Variants in PSD3 observed in about 807,000 individuals in gnomAD.
PSD3 encodes the protein pleckstrin and Sec7 domain containing 3, also known as PH and SEC7 domain-containing protein 3.
In PSD3, 49 loss-of-function variants were observed where a neutral mutation model predicts 105.5. The observed-to-expected ratio is 0.46, with a 90% CI of 0.37 to 0.59. The LOEUF (loss-of-function observed/expected upper bound fraction) is 0.59, where lower values mean the gene tolerates loss of function less well. Ranked by LOEUF, PSD3 falls within the 20% of genes least tolerant of loss-of-function variation. PSD3 has a pLI of 0.00. For synonymous variants in PSD3, 557 were observed against 457.8 expected (o/e 1.22, Z -2.77); for missense variants, 1,561 against 1,263.8 (o/e 1.24, Z -3.57).
At position 18,850,874 on chromosome 8, in the gene PSD3, T is replaced by C. The variant is rs17127322; in HGVS notation, c.1634+16800A>G. 0.01 allele frequency among the ~76,000 whole-genome samples: 1,589 copies of C among 151,962 alleles called. 70 individuals carry two copies. The East Asian group carries it at 0.15, about 15-fold the overall frequency. ...GACCAGCTGAATCAACAAAAGGGAGTGGCTTCCTTAAGAACATGCTGGGCA... is the reference window on the plus strand; with the variant it reads ...GACCAGCTGAATCAACAAAAGGGAGCGGCTTCCTTAAGAACATGCTGGGCA... On this transcript the variant is annotated intron_variant, in intron 4 of 15. Transcript: ENST00000327040.
chr8:18,740,613 T>C (rs1384746234), intron 9 of PSD3, among the ~76,000 whole-genome samples: 1 of 152,204 alleles, frequency 6.6e-6, no homozygotes, highest in Non-Finnish European at 1.5e-5. Flanking sequence ...GATTTAGGAA[T>C]ATCAGACTAT....
chr8:18,948,624 C>T (rs561025124), intron 1 of PSD3, among the ~76,000 whole-genome samples: 1 of 152,110 alleles, frequency 6.6e-6, no homozygotes, highest in Admixed American at 6.6e-5. Flanking sequence ...ACTAGGAAAC[C>T]TCAAAAAAGC....
intron 8 of PSD3, 83 bp downstream of exon 8, chr8:18,799,212 G>A (rs537846458): frequency 1.6e-6 from 2 of 1,217,572 alleles, no homozygotes; most frequent in East Asian, 2.3e-5. Flanking sequence ...GAAACGGGGA[G>A]GCAGAAAATA....
Position 19,069,359 on chromosome 8 carries a change from T to C in PSD3, c.324+14847A>G, listed in dbSNP as rs534947339. ...AAATAACTTCAGAACAAAACACCAT[T>C]CTTCCAATGGGGGAAGGGAAAGGAA... On this transcript the variant is annotated intron_variant, in intron 1 of 1. Coordinates refer to the PSD3 transcript ENST00000521475. Among the ~76,000 whole-genome samples, 3 of 152,136 alleles carry C rather than the reference T, an allele frequency of 2.0e-5. No individual in the cohort carries two copies. In the South Asian group the frequency reaches 6.2e-4, roughly 32 times the overall value.
chr8:18,712,359 A>C lies in PSD3; in HGVS notation c.2172+53090T>G, dbSNP rs374630943. 1.1e-3 allele frequency among the ~76,000 whole-genome samples: 174 copies of C among 152,214 alleles called. 1 individual carries two copies. The highest frequency in any genetic ancestry group is 4.0e-3 in the African/African-American group (166 of 41,540). On this transcript the variant is annotated intron_variant, in intron 9 of 15. Transcript: ENST00000327040. ...AATCCCAGAGCTGGTTTTTTGAAAA[A>C]ATTAATAGATGAACCACTAGCTAGA...
At chr8:18,699,753 G>A (rs1010131688) in intron 9 of PSD3, among the ~76,000 whole-genome samples, 6 of 151,974 alleles carry the variant, frequency 3.9e-5, no homozygotes, top group Admixed American at 3.3e-4. Flanking sequence ...TAGAATGGTG[G>A]GTGGTCACAC....
intron 14 of PSD3, among the ~76,000 whole-genome samples, chr8:18,563,679 T>C (rs1801543654): frequency 6.6e-6 from 1 of 152,204 alleles, no homozygotes; most frequent in Non-Finnish European, 1.5e-5. Context: ...TATTGGGTAC[T>C]TAATATATAT....
At chr8:18,923,793 T>C (rs1337137410) in intron 2 of PSD3, among the ~76,000 whole-genome samples, 1 of 151,714 alleles carries the variant, frequency 6.6e-6, no homozygotes, top group Admixed American at 6.5e-5. Context: ...TTCACAGTGT[T>C]AGATGTGATG....
At chr8:18,952,231 T>C (rs1157219612) in intron 1 of PSD3, among the ~76,000 whole-genome samples, 2 of 152,178 alleles carry the variant, frequency 1.3e-5, no homozygotes, top group Admixed American at 1.3e-4. Flanking sequence ...CCACGGTCAA[T>C]GATCTCCAGA....
chr8:18,925,389 G>GTATATATATATA (rs34212482), intron 2 of PSD3, among the ~76,000 whole-genome samples: 2 of 147,688 alleles, frequency 1.4e-5, no homozygotes, highest in African/African-American at 2.5e-5. Context: ...ATCTCTAAAA[G>GTATATATATATA]TATATATATA....
At chr8:18,778,602 G>A (rs1487634601) in intron 8 of PSD3, among the ~76,000 whole-genome samples, 3 of 151,844 alleles carry the variant, frequency 2.0e-5, no homozygotes, top group Non-Finnish European at 4.4e-5. Context: ...CATACATGGC[G>A]TTTACTATGA....
chr8:18,591,835 G>A (rs1242555851), intron 12 of PSD3, among the ~76,000 whole-genome samples: 1 of 152,142 alleles, frequency 6.6e-6, no homozygotes, highest in African/African-American at 2.4e-5. Context: ...TCTAAAATCA[G>A]ATAACTTGCA....
intron 8 of PSD3, among the ~76,000 whole-genome samples, chr8:18,780,612 G>T (rs1183765326): frequency 1.3e-5 from 2 of 152,002 alleles, no homozygotes; most frequent in Non-Finnish European, 1.5e-5. Flanking sequence ...AGTGTGCAGT[G>T]GTGCGACCTT....
chr8:18,938,922 C>A (rs1383941331), intron 1 of PSD3, among the ~76,000 whole-genome samples: 3 of 152,154 alleles, frequency 2.0e-5, no homozygotes, highest in Admixed American at 1.3e-4. Flanking sequence ...CTGGCTTGAA[C>A]AACCAGGTGC....
intron 1 of PSD3, among the ~76,000 whole-genome samples, chr8:18,956,627 T>C (rs1224956761): frequency 6.6e-6 from 1 of 152,204 alleles, no homozygotes; most frequent in Non-Finnish European, 1.5e-5. Flanking sequence ...AACCGAGTCT[T>C]GCTTAGAGGA....
At chr8:18,554,804 A>G (rs1800970008) in intron 15 of PSD3, among the ~76,000 whole-genome samples, 1 of 152,172 alleles carries the variant, frequency 6.6e-6, no homozygotes, top group African/African-American at 2.4e-5. Context: ...CCCAGCTAGT[A>G]TATCTGGATC....
Position 18,795,320 on chromosome 8 carries a change from G to T in PSD3, c.2082+3975C>A, listed in dbSNP as rs1462853686. Among the ~76,000 whole-genome samples the T allele has an allele frequency of 2.0e-5, 3 of 152,150 alleles. No individual in the cohort carries two copies. The East Asian group carries it at 5.8e-4, about 29-fold the overall frequency. ...GGGTAAAGTATATGTAGGAGGCCCA[G>T]CCCGAGAAAGAGAGCTACCTCTAAG... On this transcript the variant is annotated intron_variant, in intron 8 of 15. Coordinates refer to ENST00000327040, the MANE Select transcript of PSD3 (RefSeq NM_015310.4).
At chr8:19,059,018 G>A (rs977504129) in intron 1 of PSD3, among the ~76,000 whole-genome samples, 1 of 152,182 alleles carries the variant, frequency 6.6e-6, no homozygotes, top group African/African-American at 2.4e-5. Context: ...AGAGCCACAG[G>A]AAAGATTGAC....
chr8:18,793,909 G>A (rs1045100676), intron 8 of PSD3, among the ~76,000 whole-genome samples: 34 of 152,208 alleles, frequency 2.2e-4, no homozygotes, highest in Non-Finnish European at 1.0e-4. Context: ...AGTCTGTGAT[G>A]TTTTTGACAG....
Sources: gnomAD v4.1 joint callset for allele counts (sites outside exome capture counted in the v4.1 genomes callset) on GRCh38, gnomAD v4.1.1 for gene constraint, MANE v1.5 for transcripts, NCBI Gene and HGNC (gene_info 2026-07-23, HGNC 2026-07-21) for gene names.